Variants in ST7 observed in about 807,000 individuals in gnomAD.
The protein encoded by ST7 is suppression of tumorigenicity 7, also known as suppressor of tumorigenicity 7 protein.
ST7 carries 28 observed loss-of-function variants against 78.7 expected under a neutral mutation model. That is an observed-to-expected ratio of 0.36 (90% CI 0.26 to 0.49). ST7 has a LOEUF of 0.49. Ranked by LOEUF, ST7 falls within the 20% of genes least tolerant of loss-of-function variation. The pLI, the probability that ST7 is intolerant of heterozygous loss-of-function variation, is 0.99. For missense variants in ST7, 418 were observed against 696.0 expected, an observed-to-expected ratio of 0.60 and a Z score of 4.49; for synonymous variants, 247 against 249.6, an observed-to-expected ratio of 0.99 and a Z score of 0.10.
At chr7:117,130,364 A>C (rs2117016348) in intron 4 of ST7, 127 bp from the exon 5 acceptor site, 1 of 533,930 alleles carries the variant, frequency 1.9e-6, no homozygotes, top group African/African-American at 2.0e-5. Context: ...AATTTTTTTT[A>C]TTCATTAGCA....
At chr7:116,992,944 A>G (rs1188670304) in intron 1 of ST7, among the ~76,000 whole-genome samples, 2 of 152,222 alleles carry the variant, frequency 1.3e-5, no homozygotes, top group African/African-American at 4.8e-5. Context: ...TTGGTAAAAC[A>G]TAATAAGAGT....
chr7:117,097,908 A>ATATATATATATTT, intron 1 of ST7, among the ~76,000 whole-genome samples: 18 of 30,008 alleles, frequency 6.0e-4, no homozygotes, highest in Admixed American at 3.3e-3. Context: ...ATATATATAT[A>ATATATATATATTT]TTTTTTTTTT....
At position 117,202,033 on chromosome 7, in the gene ST7, T is replaced by C. The variant is rs1810913754; in HGVS notation, c.1255-7754T>C. ...TGGAGTGCAGTGGCGGGATCTTGGC[T>C]CACTGCAAGCTCCGCCTCCCGGGTT... On this transcript the variant is annotated intron_variant, in intron 12 of 15. Transcript: ENST00000323984. 9.5e-5 allele frequency among the ~76,000 whole-genome samples: 2 copies of C among 21,090 alleles called. 1 individual carries two copies. The highest frequency in any genetic ancestry group is 2.4e-4 in the African/African-American group (2 of 8,488). 13.8% of individuals were successfully genotyped at this position (21,090 alleles called of 152,430 possible). A position where few individuals can be genotyped will look rare whatever the true frequency, so the allele number is the denominator to read the frequency against.
At chr7:117,121,665 T>G (rs1195959726) in intron 3 of ST7, among the ~76,000 whole-genome samples, 2 of 152,144 alleles carry the variant, frequency 1.3e-5, no homozygotes, top group Non-Finnish European at 2.9e-5. Flanking sequence ...CAGGATCTCC[T>G]CCTTTGTTTT....
In ST7 at chr7:116,953,503, A is replaced by G; in HGVS notation, c.-38A>G. The G allele has an allele frequency of 7.9e-7, 1 of 1,271,530 alleles. No individual in the cohort carries two copies. Among genetic ancestry groups the G allele is most frequent in the Non-Finnish European group, 1.0e-6 (1 of 981,816 alleles). 78.8% of individuals were successfully genotyped at this position (1,271,530 alleles called of 1,614,324 possible). On this transcript the variant is annotated 5_prime_UTR_variant, in exon 1 of 16. Coordinates refer to ENST00000323984, the MANE Select transcript of ST7 (RefSeq NM_001369598.1). ...CCGGGCCGGTGAATCATCCCGGCAG[A>G]CACCAAGAGCCGCGGCAGCAGAGAG...
chr7:117,198,392 G>A, intron 12 of ST7: 1 of 450,492 alleles, frequency 2.2e-6, no homozygotes, highest in East Asian at 7.0e-5. Context: ...GCCTGAAGAA[G>A]GACAACCAGA....
At position 117,131,892 on chromosome 7, in the gene ST7, G is replaced by C. The variant is rs766661921; in HGVS notation, c.573G>C (p.Gln191His). ...DHLRPADAIM[Q>H]KAWRERNPQA... ...TCTCTTTTTCTTAAATAGTAATGCA[G>C]AAAGCCTGGAGAGAGAGAAACCCCC... is the stretch of plus-strand genomic sequence containing the variant. The change falls in exon 6 of 16, where the codon CAG becomes CAC. Residue 191 changes from glutamine (Q) to histidine (H), a missense_variant. By Grantham distance (24) the Gln-to-His change is conservative. Coordinates refer to ENST00000323984, the MANE Select transcript of ST7 (RefSeq NM_001369598.1). 6.2e-7 allele frequency: 1 copy of C among 1,610,998 alleles called. No homozygotes were observed. Among genetic ancestry groups the C allele is most frequent in the South Asian group, 1.1e-5 (1 of 90,902 alleles).
At chr7:117,000,279 C>T (rs762380872) in intron 1 of ST7, among the ~76,000 whole-genome samples, 2 of 152,144 alleles carry the variant, frequency 1.3e-5, no homozygotes, top group Non-Finnish European at 1.5e-5. Context: ...TTTAGAGCAG[C>T]GTTGTCCAAT....
intron 9 of ST7, among the ~76,000 whole-genome samples, chr7:117,142,122 T>C (rs1805364457): frequency 6.6e-6 from 1 of 152,154 alleles, no homozygotes; most frequent in Non-Finnish European, 1.5e-5. Flanking sequence ...CTTTTTTCCT[T>C]TTGACATCTA....
rs912624978 is a variant in ST7, at chr7:117,061,065, C to T, written c.152-38697C>T. The stretch of plus-strand genomic sequence containing the variant: ...AATAAATGGGAAAATAAATCCAATT[C>T]CTGCCCTTTTAAAGACAATTAAAAG... On this transcript the variant is annotated intron_variant, in intron 1 of 15. Transcript: ENST00000323984. Among the ~76,000 whole-genome samples the T allele has an allele frequency of 3.3e-5, 5 of 152,084 alleles. 1 individual carries two copies. Among genetic ancestry groups the T allele is most frequent in the Non-Finnish European group, 7.4e-5 (5 of 68,026 alleles).
At chr7:117,072,362 C>T (rs1430334509) in intron 1 of ST7, 1 of 151,996 alleles carries the variant, frequency 6.6e-6, no homozygotes, top group African/African-American at 2.4e-5. Context: ...AGATTCTAGA[C>T]TGATGGAAAA....
At chr7:117,007,622 G>A (rs1380663088) in intron 1 of ST7, among the ~76,000 whole-genome samples, 2 of 152,236 alleles carry the variant, frequency 1.3e-5, no homozygotes, top group African/African-American at 4.8e-5. Flanking sequence ...GGTGAAAACA[G>A]TGTTATATTG....
chr7:116,992,221 G>C (rs1035074908), intron 1 of ST7, among the ~76,000 whole-genome samples: 1 of 152,214 alleles, frequency 6.6e-6, no homozygotes, highest in Non-Finnish European at 1.5e-5. Context: ...CACCAGTAGG[G>C]ACTCTATGTG....
chr7:117,095,655 T>C (rs1046928686), intron 1 of ST7, among the ~76,000 whole-genome samples: 3 of 152,176 alleles, frequency 2.0e-5, no homozygotes, highest in African/African-American at 7.2e-5. Context: ...TTTGTTGAAA[T>C]AGTGCATTAG....
chr7:116,985,864 G>A (rs1056321299), intron 1 of ST7, among the ~76,000 whole-genome samples: 4 of 152,134 alleles, frequency 2.6e-5, no homozygotes, highest in South Asian at 2.1e-4. Context: ...ACAGAGTCTC[G>A]CTCTGTTGCT....
chr7:116,965,075 C>T (rs866951260), intron 1 of ST7, among the ~76,000 whole-genome samples: 1 of 152,132 alleles, frequency 6.6e-6, no homozygotes, highest in Non-Finnish European at 1.5e-5. Context: ...CGCGGTGGCT[C>T]ACGCCTGTAA....
intron 7 of ST7, among the ~76,000 whole-genome samples, chr7:117,135,274 G>C (rs1804697126): frequency 6.6e-6 from 1 of 152,042 alleles, no homozygotes; most frequent in Non-Finnish European, 1.5e-5. Context: ...CCACCTAAGA[G>C]GGTTGTTGAA....
chr7:116,993,154 T>G (rs1165822583), intron 1 of ST7, among the ~76,000 whole-genome samples: 1 of 152,210 alleles, frequency 6.6e-6, no homozygotes, highest in South Asian at 2.1e-4. Context: ...AGTTCCGAAG[T>G]CACTTCCACA....
At chr7:117,129,587 A>G (rs1804163674) in intron 3 of ST7, among the ~76,000 whole-genome samples, 1 of 151,888 alleles carries the variant, frequency 6.6e-6, no homozygotes, top group Admixed American at 6.6e-5. Flanking sequence ...TCAGGCCCAG[A>G]GAGATTAGGC....
Sources: allele counts gnomAD v4.1 joint callset (sites outside exome capture counted in the v4.1 genomes callset), GRCh38; gene constraint gnomAD v4.1.1; transcripts MANE v1.5; gene names NCBI Gene and HGNC (gene_info 2026-07-23, HGNC 2026-07-21).